MSH4: variants seen among roughly 807,000 people sequenced by gnomAD.
The protein encoded by MSH4 is mutS protein homolog 4.
A neutral mutation model predicts 113.7 loss-of-function variants in MSH4; 106 were observed. The ratio of observed to expected loss-of-function variants is 0.93; its 90% CI spans 0.80 to 1.10. The LOEUF is 1.10. Ranked by LOEUF, MSH4 falls within the 50% of genes least tolerant of loss-of-function variation. The pLI is 0.00. For missense variants in MSH4, 1,061 were observed against 1,093.7 expected (o/e 0.97, Z 0.42); for synonymous variants, 368 against 380.2 (o/e 0.97, Z 0.37).
intron 1 of MSH4, among the ~76,000 whole-genome samples, chr1:75,802,879 T>TAC (rs1055606155): frequency 5.9e-4 from 89 of 151,576 alleles, no homozygotes; most frequent in African/African-American, 2.1e-3. Context: ...GGAGTCTCTG[T>TAC]AGAGTCCTGT....
chr1:75,868,308 A>G (rs1651633338), intron 9 of MSH4, among the ~76,000 whole-genome samples: 1 of 152,184 alleles, frequency 6.6e-6, no homozygotes, highest in African/African-American at 2.4e-5. Context: ...TTAATAAGTT[A>G]TTAATCTATG....
chr1:75,907,074 T>C (rs1373959256), intron 19 of MSH4, among the ~76,000 whole-genome samples: 1 of 152,152 alleles, frequency 6.6e-6, no homozygotes, highest in Non-Finnish European at 1.5e-5. Context: ...TAGAGTATTC[T>C]GAATTTATGT....
At chr1:75,896,445 C>CT (rs895737732) in intron 17 of MSH4, among the ~76,000 whole-genome samples, 18 of 149,064 alleles carry the variant, frequency 1.2e-4, no homozygotes, top group African/African-American at 2.7e-4. Flanking sequence ...TATCTGTTTT[C>CT]TTTTTTTTAA....
At chr1:75,824,242 T>C (rs534066576) in intron 7 of MSH4, among the ~76,000 whole-genome samples, 12 of 152,348 alleles carry the variant, frequency 7.9e-5, no homozygotes, top group Admixed American at 3.9e-4. Flanking sequence ...ATGAGCTTTT[T>C]TTCATATGTT....
chr1:75,829,779 A>G (rs1361487788), intron 7 of MSH4, among the ~76,000 whole-genome samples: 1 of 152,282 alleles, frequency 6.6e-6, no homozygotes, highest in East Asian at 1.9e-4. Context: ...CCAAAACACC[A>G]TCTGTACACC....
chr1:75,881,448 T>C, intron 14 of MSH4, 78 bp downstream of exon 14: 1 of 1,460,210 alleles, frequency 6.8e-7, no homozygotes, highest in Non-Finnish European at 9.3e-7. Context: ...ATAATAGTTA[T>C]GACATTTAAA....
At chr1:75,886,606 A>G (rs1570990017) in intron 15 of MSH4, among the ~76,000 whole-genome samples, 2 of 119,724 alleles carry the variant, frequency 1.7e-5, no homozygotes, top group South Asian at 4.8e-4. Flanking sequence ...TATATATTAT[A>G]TAATGTATAA....
In MSH4 at chr1:75,912,941, T is replaced by G; in HGVS notation, c.*54T>G. The G allele has an allele frequency of 8.5e-7, 1 of 1,174,268 alleles. No individual in the cohort carries two copies. The highest frequency in any genetic ancestry group is 1.1e-6 in the Non-Finnish European group (1 of 882,480). The allele number at this position is 1,174,268 out of a possible 1,614,324, so 72.7% of individuals were successfully genotyped here. A position where few individuals can be genotyped will look rare whatever the true frequency, so the allele number is the denominator to read the frequency against. ...AATTCAAGGAACCTAGAATTTATTTTTCTCCTTAGAGATAAGGAAAATAAC... is the reference window on the plus strand; with the variant it reads ...AATTCAAGGAACCTAGAATTTATTTGTCTCCTTAGAGATAAGGAAAATAAC... On this transcript the variant is annotated 3_prime_UTR_variant, in exon 20 of 20. Coordinates refer to ENST00000263187, the MANE Select transcript of MSH4 (RefSeq NM_002440.4).
intron 19 of MSH4, among the ~76,000 whole-genome samples, chr1:75,909,470 ATT>A (rs113036946): frequency 1.7e-4 from 24 of 144,060 alleles, no homozygotes; most frequent in South Asian, 2.3e-4. Context: ...CCAGAATTGT[ATT>A]TTTTTTTTTT....
At chr1:75,858,433 A>G (rs1402386125) in intron 8 of MSH4, among the ~76,000 whole-genome samples, 1 of 152,214 alleles carries the variant, frequency 6.6e-6, no homozygotes, top group Non-Finnish European at 1.5e-5. Context: ...ATGTTGAGAT[A>G]CATTCCATTG....
chr1:75,862,923 TTCTTA>T (rs1417764853), intron 8 of MSH4, among the ~76,000 whole-genome samples: 4 of 152,272 alleles, frequency 2.6e-5, no homozygotes, highest in African/African-American at 7.2e-5. Context: ...AAGCTTAAAT[TTCTTA>T]TCTTAACACA....
At chr1:75,854,254 T>G (rs963202708) in intron 8 of MSH4, among the ~76,000 whole-genome samples, 1 of 151,880 alleles carries the variant, frequency 6.6e-6, no homozygotes, top group Non-Finnish European at 1.5e-5. Context: ...TATTAATATA[T>G]TTGATATATT....
chr1:75,873,871 G>T (rs1393508662), intron 9 of MSH4, among the ~76,000 whole-genome samples: 1 of 152,110 alleles, frequency 6.6e-6, no homozygotes, highest in Non-Finnish European at 1.5e-5. Context: ...GAACAGTGCT[G>T]CAGTGAACAT....
intron 15 of MSH4, among the ~76,000 whole-genome samples, chr1:75,885,611 G>T (rs1316248777): frequency 5.8e-4 from 1 of 1,728 alleles, no homozygotes; most frequent in Non-Finnish European, 1.9e-3. Flanking sequence ...TATTACATAT[G>T]TATTATATAT....
chr1:75,827,456 C>T (rs1161168627), intron 7 of MSH4, among the ~76,000 whole-genome samples: 1 of 152,072 alleles, frequency 6.6e-6, no homozygotes, highest in Non-Finnish European at 1.5e-5. Flanking sequence ...CAGCTAGCAT[C>T]ATGATGATAG....
At chr1:75,812,031 C>G (rs1448528866) in intron 4 of MSH4, among the ~76,000 whole-genome samples, 2 of 152,006 alleles carry the variant, frequency 1.3e-5, no homozygotes, top group African/African-American at 4.8e-5. Context: ...TTCATTATGC[C>G]TATTTATCCA....
intron 7 of MSH4, among the ~76,000 whole-genome samples, chr1:75,824,177 T>C (rs1438121052): frequency 1.3e-5 from 2 of 152,148 alleles, no homozygotes; most frequent in African/African-American, 4.8e-5. Context: ...TCTAACTGGC[T>C]TGAGCTGGTA....
chr1:75,855,267 G>A (rs867955948), intron 8 of MSH4, among the ~76,000 whole-genome samples: 8 of 151,974 alleles, frequency 5.3e-5, no homozygotes, highest in Non-Finnish European at 7.4e-5. Context: ...TGAACTCCTG[G>A]GCTCAAGCAA....
intron 8 of MSH4, among the ~76,000 whole-genome samples, chr1:75,865,102 T>C (rs1651535283): frequency 6.6e-6 from 1 of 152,150 alleles, no homozygotes; most frequent in South Asian, 2.1e-4. Context: ...TGATCATTAA[T>C]GTCTCCTGTA....
Sources: gnomAD v4.1 joint callset for allele counts (sites outside exome capture counted in the v4.1 genomes callset) on GRCh38, gnomAD v4.1.1 for gene constraint, MANE v1.5 for transcripts, NCBI Gene and HGNC (gene_info 2026-07-23, HGNC 2026-07-21) for gene names.